Variants in ABCA12 observed in about 807,000 individuals in gnomAD.
The protein encoded by ABCA12 is ATP binding cassette subfamily A member 12, also known as glucosylceramide transporter ABCA12.
Under a neutral mutation model 293.5 loss-of-function variants are expected in ABCA12, and 156 were observed. The ratio of observed to expected loss-of-function variants is 0.53; its 90% CI spans 0.47 to 0.61. The LOEUF (loss-of-function observed/expected upper bound fraction) is 0.61, where lower values mean the gene tolerates loss of function less well. Ranked by LOEUF, ABCA12 falls within the 20% of genes least tolerant of loss-of-function variation. ABCA12 has a pLI of 0.00. For missense variants in ABCA12, 2,797 were observed against 3,090.2 expected (o/e 0.91, Z 2.25); for synonymous variants, 1,063 against 1,108.0 (o/e 0.96, Z 0.81).
At chr2:215,076,246 C>T (rs1701830778) in intron 2 of ABCA12, among the ~76,000 whole-genome samples, 1 of 152,132 alleles carries the variant, frequency 6.6e-6, no homozygotes. Context: ...ATGTTACTGG[C>T]CTTCTCCCTC....
chr2:214,938,558 T>A (rs975284628), intron 50 of ABCA12, among the ~76,000 whole-genome samples: 8 of 152,206 alleles, frequency 5.3e-5, no homozygotes, highest in Non-Finnish European at 1.0e-4. Context: ...CCACGATGGT[T>A]GAACTAATTT....
intron 50 of ABCA12, among the ~76,000 whole-genome samples, chr2:214,941,511 T>C (rs1035697633): frequency 1.3e-5 from 2 of 152,166 alleles, no homozygotes; most frequent in African/African-American, 2.4e-5. Context: ...CTGTGTTAAT[T>C]TCCTGTCTTG....
intron 23 of ABCA12, among the ~76,000 whole-genome samples, chr2:214,993,851 G>A (rs1488115979): frequency 6.6e-6 from 1 of 152,080 alleles, no homozygotes; most frequent in African/African-American, 2.4e-5. Context: ...TTCATTCATA[G>A]GCTTGTTAAA....
chr2:215,073,027 G>A (rs555279413), intron 2 of ABCA12, among the ~76,000 whole-genome samples: 12 of 152,236 alleles, frequency 7.9e-5, no homozygotes, highest in South Asian at 4.2e-4. Context: ...CCCAGGAGGC[G>A]GAGGTTGCAG....
At chr2:215,101,556 G>A (rs2106117356) in intron 2 of ABCA12, among the ~76,000 whole-genome samples, 1 of 152,248 alleles carries the variant, frequency 6.6e-6, no homozygotes, top group African/African-American at 2.4e-5. Flanking sequence ...GAAAAATATT[G>A]ATAATAGCAT....
At chr2:214,994,872 A>G (rs1204566176) in intron 23 of ABCA12, among the ~76,000 whole-genome samples, 1 of 152,186 alleles carries the variant, frequency 6.6e-6, no homozygotes, top group Non-Finnish European at 1.5e-5. Flanking sequence ...AATGACTCCA[A>G]AATTCTGTCT....
At chr2:215,110,484 C>T (rs971266218) in intron 2 of ABCA12, among the ~76,000 whole-genome samples, 1 of 152,214 alleles carries the variant, frequency 6.6e-6, no homozygotes, top group African/African-American at 2.4e-5. Context: ...CACTGCACTC[C>T]AGCCTGGGCG....
chr2:215,046,925 G>A (rs13388901), intron 6 of ABCA12, among the ~76,000 whole-genome samples: 30,803 of 151,960 alleles, frequency 0.2, 3,278 homozygotes, highest in East Asian at 0.39. Context: ...TCCTTTGCAG[G>A]GACATGTATG....
At chr2:215,039,759 AAAAT>A (rs79648313) in intron 7 of ABCA12, among the ~76,000 whole-genome samples, 12,677 of 151,096 alleles carry the variant, frequency 0.084, 1,471 homozygotes, top group African/African-American at 0.26. Context: ...CTTCTCACAA[AAAAT>A]AAATAAATAA....
rs1193354479 is a variant in ABCA12, at chr2:214,951,026, T to G, written c.6705A>C (p.Glu2235Asp). ...CTCTTAATCTCTCAGCCCGCACATC[T>G]TCATCCTCATCTATTGTCTCCCTTA... ...SHVRETIDED[E>D]DVRAERLRVE... The change falls in exon 45 of 53, where the codon GAA (glutamate) becomes GAC (aspartate). Residue 2235 changes from glutamate (E) to aspartate (D), a missense_variant. Coordinates refer to ENST00000272895, the MANE Select transcript of ABCA12 (RefSeq NM_173076.3). The G allele has an allele frequency of 2.5e-6, 4 of 1,614,194 alleles. No homozygotes were observed. Among genetic ancestry groups the G allele is most frequent in the Non-Finnish European group, 2.5e-6 (3 of 1,180,030 alleles).
intron 13 of ABCA12, 129 bp downstream of exon 13, chr2:215,019,207 T>C: frequency 1.3e-6 from 1 of 755,162 alleles, no homozygotes; most frequent in Non-Finnish European, 2.3e-6. Flanking sequence ...ATGCTTCAGG[T>C]TTCTCATGTG....
chr2:215,109,108 C>T (rs1289259481), intron 2 of ABCA12, among the ~76,000 whole-genome samples: 1 of 151,424 alleles, frequency 6.6e-6, no homozygotes, highest in Non-Finnish European at 1.5e-5. Context: ...TGCTTCTCTA[C>T]CAGTCTTACA....
intron 8 of ABCA12, chr2:215,032,100 T>C: frequency 7.0e-7 from 1 of 1,430,906 alleles, no homozygotes. Context: ...TGCCTACTGA[T>C]CAAAATAATC....
chr2:215,120,248 A>T (rs1161501119), intron 1 of ABCA12, among the ~76,000 whole-genome samples: 2 of 152,282 alleles, frequency 1.3e-5, no homozygotes, highest in East Asian at 1.9e-4. Context: ...ACACATGGGA[A>T]CAACAGACTC....
chr2:215,038,363 C>T (rs917092368), intron 7 of ABCA12, among the ~76,000 whole-genome samples: 1 of 152,086 alleles, frequency 6.6e-6, no homozygotes, highest in Admixed American at 6.5e-5. Context: ...CAGCTGGGGT[C>T]TCTCTATTTC....
intron 19 of ABCA12, 98 bp from the exon 20 acceptor site, chr2:215,004,397 C>T: frequency 2.4e-6 from 2 of 847,160 alleles, no homozygotes; most frequent in East Asian, 2.7e-5. Flanking sequence ...GTAACCACAA[C>T]TGGGCATTAT....
chr2:215,106,703 T>G (rs904245966), intron 2 of ABCA12, among the ~76,000 whole-genome samples: 1 of 150,980 alleles, frequency 6.6e-6, no homozygotes, highest in African/African-American at 2.4e-5. Flanking sequence ...TCATCCCTGT[T>G]ATTACTTGTA....
intron 2 of ABCA12, among the ~76,000 whole-genome samples, chr2:215,088,394 T>C (rs558806112): frequency 5.9e-5 from 9 of 152,314 alleles, no homozygotes; most frequent in African/African-American, 2.2e-4. Flanking sequence ...TCTTACTGTT[T>C]TGAATGACTC....
intron 1 of ABCA12, among the ~76,000 whole-genome samples, chr2:215,132,258 C>T (rs2105918694): frequency 6.6e-6 from 1 of 152,090 alleles, no homozygotes; most frequent in African/African-American, 2.4e-5. Flanking sequence ...GGTCCTTTTG[C>T]TCCACAGTCC....
Sources: gnomAD v4.1 joint callset for allele counts (sites outside exome capture counted in the v4.1 genomes callset) on GRCh38, gnomAD v4.1.1 for gene constraint, MANE v1.5 for transcripts, NCBI Gene and HGNC (gene_info 2026-07-23, HGNC 2026-07-21) for gene names.